The following CATSPERB variants were observed in gnomAD, a reference collection of about 807,000 sequenced individuals.
CATSPERB encodes cation channel sperm-associated auxiliary subunit beta.
CATSPERB carries 93 observed loss-of-function variants against 128.3 expected under a neutral mutation model. That is an observed-to-expected ratio of 0.72 (90% CI 0.61 to 0.86). The LOEUF is 0.86. Ranked by LOEUF, CATSPERB falls within the 40% of genes least tolerant of loss-of-function variation. The pLI is 0.00. For missense variants in CATSPERB, 1,153 were observed against 1,329.5 expected (o/e 0.87, Z 2.06); for synonymous variants, 381 against 448.8 (o/e 0.85, Z 1.91).
chr14:91,596,348 C>T (rs575464761), intron 22 of CATSPERB, among the ~76,000 whole-genome samples: 159 of 152,106 alleles, frequency 1.0e-3, no homozygotes, highest in African/African-American at 1.7e-3. Flanking sequence ...GGACTACAGG[C>T]GCCTGCCACC....
At chr14:91,686,608 A>G (rs1398060604) in intron 10 of CATSPERB, among the ~76,000 whole-genome samples, 1 of 152,162 alleles carries the variant, frequency 6.6e-6, no homozygotes, top group African/African-American at 2.4e-5. Context: ...ACTATCAACC[A>G]TCAATGAGTT....
intron 26 of CATSPERB, among the ~76,000 whole-genome samples, chr14:91,586,782 C>G (rs1019223137): frequency 1.3e-5 from 2 of 152,020 alleles, no homozygotes; most frequent in African/African-American, 4.8e-5. Flanking sequence ...ATCTTGAAAG[C>G]CTTTGAAATA....
In CATSPERB at chr14:91,630,456, G is replaced by A. The variant is rs756687264; in HGVS notation, c.1743-5449C>T. 3.3e-4 allele frequency among the ~76,000 whole-genome samples: 50 copies of A among 152,262 alleles called. 1 individual carries two copies. Among genetic ancestry groups the A allele is most frequent in the Non-Finnish European group, 6.6e-4 (45 of 68,030 alleles). ...CTTCACATCTTCACTTAGATACCTA[G>A]CACACATTTCAAACTGAACATTTCC... On this transcript the variant is annotated intron_variant, in intron 17 of 26. Transcript: ENST00000256343.
chr14:91,659,586 G>A (rs1894840374), intron 15 of CATSPERB, among the ~76,000 whole-genome samples: 1 of 152,224 alleles, frequency 6.6e-6, no homozygotes, highest in Non-Finnish European at 1.5e-5. Context: ...TTGACAAGTG[G>A]TAGCTGTTAT....
chr14:91,716,381 A>C (rs937800263), intron 5 of CATSPERB, among the ~76,000 whole-genome samples: 2 of 152,206 alleles, frequency 1.3e-5, no homozygotes, highest in Non-Finnish European at 2.9e-5. Context: ...ACCTGAGACC[A>C]GACTGCTCAA....
intron 5 of CATSPERB, among the ~76,000 whole-genome samples, chr14:91,713,788 T>C (rs1246659648): frequency 6.6e-6 from 1 of 152,044 alleles, no homozygotes. Context: ...ATCCACAATA[T>C]AGAAAAGCAG....
chr14:91,716,009 C>T (rs542601221), intron 5 of CATSPERB, among the ~76,000 whole-genome samples: 91 of 152,214 alleles, frequency 6.0e-4, no homozygotes, highest in Admixed American at 7.8e-4. Flanking sequence ...TCTTTGTGAA[C>T]TTAGGCAAAG....
intron 7 of CATSPERB, among the ~76,000 whole-genome samples, chr14:91,697,594 T>C (rs536856449): frequency 6.6e-6 from 1 of 152,300 alleles, no homozygotes; most frequent in Admixed American, 6.5e-5. Flanking sequence ...TTTTCTTTTG[T>C]GTATGGCTAG....
chr14:91,591,020 G>T (rs1893389951), intron 23 of CATSPERB, among the ~76,000 whole-genome samples: 1 of 151,892 alleles, frequency 6.6e-6, no homozygotes, highest in Non-Finnish European at 1.5e-5. Context: ...CAAGGACTTT[G>T]AAATTGATCT....
intron 10 of CATSPERB, among the ~76,000 whole-genome samples, chr14:91,691,278 A>C (rs1040525249): frequency 3.9e-5 from 6 of 152,180 alleles, no homozygotes; most frequent in African/African-American, 1.4e-4. Flanking sequence ...CCTCTGAAAC[A>C]GGGAGGAGCA....
chr14:91,693,991 C>T (rs939811081), intron 7 of CATSPERB, among the ~76,000 whole-genome samples: 1 of 152,172 alleles, frequency 6.6e-6, no homozygotes, highest in Non-Finnish European at 1.5e-5. Flanking sequence ...ATTTTCTAGT[C>T]ACAACTTCCT....
chr14:91,685,085 C>T (rs993452163), intron 10 of CATSPERB, among the ~76,000 whole-genome samples: 1 of 151,990 alleles, frequency 6.6e-6, no homozygotes, highest in African/African-American at 2.4e-5. Flanking sequence ...CACCACCATG[C>T]CTGGGTAATT....
intron 22 of CATSPERB, among the ~76,000 whole-genome samples, chr14:91,606,671 T>G (rs945967841): frequency 1.3e-5 from 2 of 152,216 alleles, no homozygotes; most frequent in African/African-American, 2.4e-5. Flanking sequence ...TTGTATGTCT[T>G]TTTGCTTAAG....
At chr14:91,711,439 C>T (rs911513492) in intron 5 of CATSPERB, among the ~76,000 whole-genome samples, 1 of 152,108 alleles carries the variant, frequency 6.6e-6, no homozygotes, top group African/African-American at 2.4e-5. Context: ...CCATATTGGC[C>T]AGGCTGGTCT....
chr14:91,669,305 C>T (rs1485883882), intron 14 of CATSPERB, among the ~76,000 whole-genome samples: 1 of 152,066 alleles, frequency 6.6e-6, no homozygotes, highest in East Asian at 1.9e-4. Context: ...CTTTTTAAAA[C>T]TGTCAGATGC....
intron 17 of CATSPERB, 131 bp from the exon 18 acceptor site, chr14:91,625,138 C>T: frequency 1.7e-6 from 1 of 590,856 alleles, no homozygotes; most frequent in Non-Finnish European, 2.8e-6. Flanking sequence ...ATTTGTTCAA[C>T]CCCATTAGTA....
chr14:91,601,144 T>G (rs1893601930), intron 22 of CATSPERB, among the ~76,000 whole-genome samples: 1 of 152,320 alleles, frequency 6.6e-6, no homozygotes, highest in East Asian at 1.9e-4. Flanking sequence ...TTTTTGATAC[T>G]TCCTTTAAAC....
At chr14:91,674,670 G>A (rs1895159055) in intron 11 of CATSPERB, among the ~76,000 whole-genome samples, 1 of 152,074 alleles carries the variant, frequency 6.6e-6, no homozygotes, top group African/African-American at 2.4e-5. Context: ...GACACTCCAT[G>A]CACTGCTGGC....
At chr14:91,633,989 T>G (rs893306388) in intron 17 of CATSPERB, among the ~76,000 whole-genome samples, 3 of 152,114 alleles carry the variant, frequency 2.0e-5, no homozygotes, top group Admixed American at 6.5e-5. Flanking sequence ...AAAAAAATTA[T>G]AGTTGACCCT....
Sources: allele counts gnomAD v4.1 joint callset (sites outside exome capture counted in the v4.1 genomes callset), GRCh38; gene constraint gnomAD v4.1.1; transcripts MANE v1.5; gene names NCBI Gene and HGNC (gene_info 2026-07-23, HGNC 2026-07-21).